Variants in PDE4B observed in about 807,000 individuals in gnomAD.
The protein encoded by PDE4B is phosphodiesterase 4B.
PDE4B carries 20 observed loss-of-function variants against 82.2 expected under a neutral mutation model. The observed-to-expected ratio is 0.24, with a 90% CI of 0.17 to 0.35. The LOEUF (loss-of-function observed/expected upper bound fraction) is 0.35, where lower values mean the gene tolerates loss of function less well. PDE4B is among the 10% of genes least tolerant of loss of function. The pLI, the probability that PDE4B is intolerant of heterozygous loss-of-function variation, is 1.00. For missense variants in PDE4B, 655 were observed against 907.2 expected (o/e 0.72, Z 3.57); for synonymous variants, 320 against 318.9 (o/e 1.00, Z -0.04).
At chr1:66,153,335 G>T (rs1248634611) in intron 3 of PDE4B, among the ~76,000 whole-genome samples, 2 of 152,092 alleles carry the variant, frequency 1.3e-5, no homozygotes, top group Non-Finnish European at 2.9e-5. Context: ...GCTGCTTTCT[G>T]GTTTAAATAT....
At chr1:66,111,178 G>GA (rs1020247463) in intron 3 of PDE4B, among the ~76,000 whole-genome samples, 7 of 151,956 alleles carry the variant, frequency 4.6e-5, no homozygotes, top group Non-Finnish European at 1.0e-4. Context: ...CAAGATTTAA[G>GA]AAAAAACTTA....
intron 1 of PDE4B, among the ~76,000 whole-genome samples, chr1:65,859,760 A>G (rs2100249560): frequency 6.6e-6 from 1 of 152,378 alleles, no homozygotes; most frequent in Non-Finnish European, 1.5e-5. Flanking sequence ...CATTGTTGGC[A>G]ACTATCTTTT....
rs948005769 is a variant in PDE4B, at chr1:65,951,710, TG to T, written c.281+32876del. Among the ~76,000 whole-genome samples the T allele has an allele frequency of 7.9e-5, 12 of 152,238 alleles. No homozygotes were observed. The South Asian group carries it at 2.1e-3, about 26-fold the overall frequency. ...CCATGCGGAAATGAGGTAATATGAT[TG>T]CTTTAAATTGACCTCTCCAAAGGCT... On this transcript the variant is annotated intron_variant, in intron 3 of 16. Coordinates refer to ENST00000341517, the MANE Select transcript of PDE4B (RefSeq NM_002600.4).
At chr1:65,957,436 G>A (rs1469341130) in intron 3 of PDE4B, among the ~76,000 whole-genome samples, 1 of 140,958 alleles carries the variant, frequency 7.1e-6, no homozygotes, top group Admixed American at 7.2e-5. Context: ...TGTTTGGCCT[G>A]TGTGTCTGTC....
intron 3 of PDE4B, among the ~76,000 whole-genome samples, chr1:66,048,231 A>C (rs961747087): frequency 9.2e-5 from 14 of 151,860 alleles, no homozygotes; most frequent in African/African-American, 3.4e-4. Flanking sequence ...TCCAGGCATC[A>C]CTTGTATTTA....
intron 3 of PDE4B, among the ~76,000 whole-genome samples, chr1:65,939,852 G>A (rs1190838516): frequency 1.3e-5 from 2 of 152,102 alleles, no homozygotes; most frequent in Non-Finnish European, 2.9e-5. Context: ...GCCAGCCAGT[G>A]TGATGAAAGA....
intron 3 of PDE4B, among the ~76,000 whole-genome samples, chr1:66,149,966 A>G (rs1646358354): frequency 6.6e-6 from 1 of 152,228 alleles, no homozygotes; most frequent in Non-Finnish European, 1.5e-5. Context: ...ATTCTTTGTT[A>G]TGTGGGTAGC....
intron 3 of PDE4B, among the ~76,000 whole-genome samples, chr1:66,046,717 T>G (rs933099866): frequency 2.6e-5 from 4 of 151,900 alleles, no homozygotes; most frequent in Middle Eastern, 3.2e-3. Flanking sequence ...GAATAATGAC[T>G]GTAATCATTA....
intron 7 of PDE4B, among the ~76,000 whole-genome samples, chr1:66,292,070 A>G (rs1264675346): frequency 6.6e-6 from 1 of 152,174 alleles, no homozygotes; most frequent in East Asian, 1.9e-4. Context: ...GGGAATCTGC[A>G]TTTTTAAATA....
At chr1:66,279,179 C>T (rs1178285187) in intron 7 of PDE4B, among the ~76,000 whole-genome samples, 6 of 152,108 alleles carry the variant, frequency 3.9e-5, no homozygotes, top group African/African-American at 1.4e-4. Context: ...CTAATTGCTC[C>T]CTCCTGTACA....
At chr1:66,266,762 A>T (rs1291652998) in intron 7 of PDE4B, 3 of 493,114 alleles carry the variant, frequency 6.1e-6, no homozygotes, top group Middle Eastern at 6.5e-4. Context: ...TGGAACTGAA[A>T]TTCTTCTTCA....
intron 3 of PDE4B, among the ~76,000 whole-genome samples, chr1:66,213,368 T>C (rs1650213632): frequency 6.6e-6 from 1 of 152,188 alleles, no homozygotes; most frequent in African/African-American, 2.4e-5. Flanking sequence ...TACCTTAAGA[T>C]GCCTATTAAG....
chr1:65,973,731 C>G (rs1024415788), intron 3 of PDE4B, among the ~76,000 whole-genome samples: 66 of 152,130 alleles, frequency 4.3e-4, no homozygotes, highest in South Asian at 2.1e-4. Flanking sequence ...ATTCATACAT[C>G]CAATAAATCT....
At position 66,278,828 on chromosome 1, in the gene PDE4B, G is replaced by A. The variant is rs368860527; in HGVS notation, c.634+12741G>A. Among the ~76,000 whole-genome samples, 166 of 141,390 alleles carry A rather than the reference G, an allele frequency of 1.2e-3. 1 individual carries two copies. Among genetic ancestry groups the A allele is most frequent in the Non-Finnish European group, 1.9e-3 (123 of 66,386 alleles). The allele number at this position is 141,390 out of a possible 152,430, so 92.8% of individuals were successfully genotyped here. A position where few individuals can be genotyped will look rare whatever the true frequency, so the allele number is the denominator to read the frequency against. On this transcript the variant is annotated intron_variant, in intron 7 of 16. Coordinates refer to ENST00000341517, the MANE Select transcript of PDE4B (RefSeq NM_002600.4). ...TCTCTGAATGTTCCAGTTCTGTGCC[G>A]TGTGTGTGTGTGTATGTGTGTTTGT...
At chr1:66,262,093 G>A (rs186576717) in intron 6 of PDE4B, among the ~76,000 whole-genome samples, 4 of 152,308 alleles carry the variant, frequency 2.6e-5, no homozygotes. Flanking sequence ...TAATGAACAT[G>A]TATGTAATCT....
chr1:66,354,686 T>TTTGATGGCTAAAATG (rs1376370106), intron 8 of PDE4B: 1 of 1,421,012 alleles, frequency 7.0e-7, no homozygotes, highest in African/African-American at 1.4e-5. Context: ...TTTGTTTGGC[T>TTTGATGGCTAAAATG]TAGGAAATGC....
At chr1:66,290,178 G>A (rs1384935665) in intron 7 of PDE4B, among the ~76,000 whole-genome samples, 1 of 152,180 alleles carries the variant, frequency 6.6e-6, no homozygotes, top group East Asian at 1.9e-4. Context: ...AGTTTTAAGA[G>A]TTGCACAGAT....
At chr1:66,012,403 A>G (rs547164038) in intron 3 of PDE4B, among the ~76,000 whole-genome samples, 4 of 152,152 alleles carry the variant, frequency 2.6e-5, no homozygotes, top group Non-Finnish European at 4.4e-5. Context: ...CTCTAGTTTG[A>G]TAGAGCAGAT....
At chr1:66,283,895 G>A (rs930105081) in intron 7 of PDE4B, among the ~76,000 whole-genome samples, 1 of 152,156 alleles carries the variant, frequency 6.6e-6, no homozygotes, top group African/African-American at 2.4e-5. Context: ...GAGAGAAAGA[G>A]AGAGAGAGAG....
Sources: gnomAD v4.1 joint callset for allele counts (sites outside exome capture counted in the v4.1 genomes callset) on GRCh38, gnomAD v4.1.1 for gene constraint, MANE v1.5 for transcripts, NCBI Gene and HGNC (gene_info 2026-07-23, HGNC 2026-07-21) for gene names.